Variants in TBC1D22A observed in about 807,000 individuals in gnomAD.
TBC1D22A encodes TBC1 domain family member 22A, also known as putative GTPase activator.
A neutral mutation model predicts 60.2 loss-of-function variants in TBC1D22A; 38 were observed. The ratio of observed to expected loss-of-function variants is 0.63; its 90% CI spans 0.49 to 0.83. The LOEUF (loss-of-function observed/expected upper bound fraction) is 0.83, where lower values mean the gene tolerates loss of function less well. Among genes scored for constraint, TBC1D22A ranks in the 40% least tolerant of loss-of-function variants. The pLI is 0.00. For synonymous variants in TBC1D22A, 302 were observed against 281.7 expected, an observed-to-expected ratio of 1.07 and a Z score of -0.72; for missense variants, 628 against 701.0, an observed-to-expected ratio of 0.90 and a Z score of 1.18.
chr22:46,870,700 T>C (rs1353293448), intron 4 of TBC1D22A, among the ~76,000 whole-genome samples: 1 of 152,192 alleles, frequency 6.6e-6, no homozygotes, highest in African/African-American at 2.4e-5. Flanking sequence ...GGTGCCGGCA[T>C]CTGGTGAAGG....
intron 11 of TBC1D22A, among the ~76,000 whole-genome samples, chr22:47,071,042 C>A (rs1368248810): frequency 1.3e-5 from 2 of 152,252 alleles, no homozygotes; most frequent in African/African-American, 4.8e-5. Context: ...ATAAACATTT[C>A]ATAAGATTAT....
intron 11 of TBC1D22A, among the ~76,000 whole-genome samples, chr22:47,094,660 A>G (rs1277094797): frequency 6.6e-6 from 1 of 152,234 alleles, no homozygotes; most frequent in Non-Finnish European, 1.5e-5. Flanking sequence ...CAACCAAAGA[A>G]TAAATATCCA....
chr22:46,947,700 C>T (rs1440289025), intron 8 of TBC1D22A, among the ~76,000 whole-genome samples: 1 of 151,522 alleles, frequency 6.6e-6, no homozygotes, highest in African/African-American at 2.4e-5. Context: ...GTCTCCCTCC[C>T]TTTCTCCCTC....
chr22:47,168,603 C>T (rs1213795914), intron 12 of TBC1D22A, among the ~76,000 whole-genome samples: 4 of 152,166 alleles, frequency 2.6e-5, no homozygotes, highest in Admixed American at 6.5e-5. Context: ...CGCTGCTGCC[C>T]GTTCTCACAT....
chr22:47,043,213 A>C (rs1422914783), intron 11 of TBC1D22A, among the ~76,000 whole-genome samples: 3 of 152,240 alleles, frequency 2.0e-5, no homozygotes, highest in Admixed American at 6.5e-5. Flanking sequence ...CAGGGTGTCC[A>C]TGGCAGGGGG....
intron 11 of TBC1D22A, among the ~76,000 whole-genome samples, chr22:47,046,465 A>G (rs1166413340): frequency 6.6e-6 from 1 of 151,946 alleles, no homozygotes; most frequent in Non-Finnish European, 1.5e-5. Context: ...GCGCCCAGGG[A>G]CACCCTTTGA....
intron 12 of TBC1D22A, among the ~76,000 whole-genome samples, chr22:47,130,708 G>A (rs1238799001): frequency 1.3e-5 from 2 of 152,128 alleles, no homozygotes; most frequent in African/African-American, 2.4e-5. Context: ...GGGACCCTGC[G>A]GTCTGCAAAA....
intron 11 of TBC1D22A, among the ~76,000 whole-genome samples, chr22:47,068,019 G>C (rs1015117145): frequency 6.6e-6 from 1 of 152,246 alleles, no homozygotes; most frequent in Non-Finnish European, 1.5e-5. Context: ...CATTGAGAGG[G>C]GTCAGGGAGT....
At chr22:46,834,107 C>T (rs926595824) in intron 4 of TBC1D22A, among the ~76,000 whole-genome samples, 4 of 152,072 alleles carry the variant, frequency 2.6e-5, no homozygotes, top group African/African-American at 9.7e-5. Context: ...CAACCCCAGC[C>T]AAAAGGAGCA....
chr22:46,824,334 A>G (rs561375121), intron 4 of TBC1D22A, among the ~76,000 whole-genome samples: 4 of 152,248 alleles, frequency 2.6e-5, no homozygotes, highest in African/African-American at 9.6e-5. Flanking sequence ...CGTAGACCCA[A>G]AGGATGAGAG....
chr22:46,894,291 C>G (rs1465550653), intron 6 of TBC1D22A, among the ~76,000 whole-genome samples: 6 of 152,158 alleles, frequency 3.9e-5, no homozygotes, highest in African/African-American at 9.7e-5. Flanking sequence ...AAGCAGGAAC[C>G]AGCTGACACT....
At chr22:47,023,366 A>G (rs553745453) in intron 10 of TBC1D22A, among the ~76,000 whole-genome samples, 1 of 152,372 alleles carries the variant, frequency 6.6e-6, no homozygotes, top group East Asian at 1.9e-4. Flanking sequence ...CTGTGGGACA[A>G]TTTAAGTAGC....
chr22:46,786,623 G>A (rs2084170268), intron 1 of TBC1D22A, among the ~76,000 whole-genome samples: 1 of 152,218 alleles, frequency 6.6e-6, no homozygotes, highest in Non-Finnish European at 1.5e-5. Context: ...ATTTACCAGT[G>A]AATCCCTCTG....
rs545593840 is a variant in TBC1D22A, at chr22:46,986,413, G to A, written c.1126-11221G>A. On this transcript the variant is annotated intron_variant, in intron 9 of 12. Transcript: ENST00000337137. ...GCCACTTCCTACAAAAAAAAAAAAA[G>A]CCTGTTGAGATTTTGAATGAGAATA... Among the ~76,000 whole-genome samples, 45 of 147,780 alleles carry A rather than the reference G, an allele frequency of 3.0e-4. No homozygotes were observed. In the South Asian group the frequency reaches 6.2e-3, roughly 20 times the overall value.
Position 47,004,278 on chromosome 22 carries a change from AC to A in TBC1D22A, c.1201+6573del, listed in dbSNP as rs2061505941. On this transcript the variant is annotated intron_variant, in intron 10 of 12. Transcript: ENST00000337137. ...CATATACACACACTCCTATACACACACCCCTGCACACAATCCTCATACATAC... is the reference window on the plus strand; with the variant it reads ...CATATACACACACTCCTATACACACACCCTGCACACAATCCTCATACATAC... Among the ~76,000 whole-genome samples the A allele has an allele frequency of 3.4e-5, 5 of 149,152 alleles. No individual in the cohort carries two copies. In the South Asian group the frequency reaches 1.1e-3, roughly 32 times the overall value.
At chr22:46,905,243 G>A (rs924530543) in intron 7 of TBC1D22A, among the ~76,000 whole-genome samples, 2 of 151,054 alleles carry the variant, frequency 1.3e-5, no homozygotes, top group African/African-American at 4.9e-5. Flanking sequence ...CTCATATGAA[G>A]TGATTCAAGA....
chr22:46,774,734 C>T (rs1311590447), intron 1 of TBC1D22A, among the ~76,000 whole-genome samples: 1 of 152,178 alleles, frequency 6.6e-6, no homozygotes, highest in East Asian at 1.9e-4. Flanking sequence ...TTTCCGGCTT[C>T]GGGGCCCCTG....
intron 10 of TBC1D22A, among the ~76,000 whole-genome samples, chr22:47,031,697 C>T (rs2062479684): frequency 6.6e-6 from 1 of 152,144 alleles, no homozygotes; most frequent in South Asian, 2.1e-4. Context: ...CTTGTGTGCA[C>T]CTTTGGACAG....
chr22:46,968,239 G>C (rs1206161951), intron 8 of TBC1D22A, among the ~76,000 whole-genome samples: 1 of 152,208 alleles, frequency 6.6e-6, no homozygotes, highest in Non-Finnish European at 1.5e-5. Context: ...ATGCTGTGCG[G>C]GGTCCTGCTG....
Sources: allele counts gnomAD v4.1 joint callset (sites outside exome capture counted in the v4.1 genomes callset), GRCh38; gene constraint gnomAD v4.1.1; transcripts MANE v1.5; gene names NCBI Gene and HGNC (gene_info 2026-07-23, HGNC 2026-07-21).